GRM5: variants seen among roughly 807,000 people sequenced by gnomAD.
The protein encoded by GRM5 is metabotropic glutamate receptor 5.
Under a neutral mutation model 83.1 loss-of-function variants are expected in GRM5, and 19 were observed. The observed-to-expected ratio is 0.23, with a 90% CI of 0.16 to 0.34. GRM5 has a LOEUF of 0.34. GRM5 is among the 10% of genes least tolerant of loss of function. The probability of loss-of-function intolerance (pLI) is 1.00; values close to 1 mark genes in which losing one functional copy is unlikely to be tolerated. For missense variants in GRM5, 1,160 were observed against 1,588.3 expected (o/e 0.73, Z 4.58); for synonymous variants, 675 against 633.6 (o/e 1.07, Z -0.98).
intron 3 of GRM5, among the ~76,000 whole-genome samples, chr11:88,817,404 C>G (rs1246063365): frequency 6.6e-6 from 1 of 151,850 alleles, no homozygotes; most frequent in Non-Finnish European, 1.5e-5. Flanking sequence ...TGGACCTATC[C>G]AATTTTCAGC....
Position 88,860,417 on chromosome 11 carries a change from T to C in GRM5, c.662-10262A>G, listed in dbSNP as rs190611650. Reference sequence around the variant, plus strand: ...AAGGAGAAAACTCTATACGGAGCTGTGTGTCAATGGGTCGGGTGGATCGGT... The same window carrying C: ...AAGGAGAAAACTCTATACGGAGCTGCGTGTCAATGGGTCGGGTGGATCGGT... On this transcript the variant is annotated intron_variant, in intron 2 of 9. Coordinates refer to ENST00000305447, the MANE Select transcript of GRM5 (RefSeq NM_001143831.3). Among the ~76,000 whole-genome samples the C allele has an allele frequency of 4.8e-4, 73 of 152,292 alleles. 1 individual carries two copies. The East Asian group carries it at 0.011, about 23-fold the overall frequency.
At chr11:88,775,196 C>A (rs1204781433) in intron 3 of GRM5, among the ~76,000 whole-genome samples, 7 of 152,124 alleles carry the variant, frequency 4.6e-5, no homozygotes, top group Admixed American at 6.5e-5. Flanking sequence ...GGAATTTATC[C>A]ATTTCTTCTA....
At chr11:88,522,036 A>AGAGT (rs1226291734) in intron 9 of GRM5, among the ~76,000 whole-genome samples, 1 of 152,222 alleles carries the variant, frequency 6.6e-6, no homozygotes, top group African/African-American at 2.4e-5. Context: ...AATGAGATGC[A>AGAGT]GAGTGACACT....
intron 2 of GRM5, among the ~76,000 whole-genome samples, chr11:88,999,054 G>C (rs1488420429): frequency 3.3e-5 from 5 of 152,072 alleles, no homozygotes; most frequent in African/African-American, 1.2e-4. Context: ...GCTGAAACTG[G>C]ATCCCTTCCT....
At chr11:88,997,246 G>A (rs1267526126) in intron 2 of GRM5, among the ~76,000 whole-genome samples, 3 of 150,390 alleles carry the variant, frequency 2.0e-5, no homozygotes, top group South Asian at 4.2e-4. Flanking sequence ...AGAATCACTT[G>A]AACCCAAGAG....
intron 9 of GRM5, among the ~76,000 whole-genome samples, chr11:88,525,079 C>T (rs895151566): frequency 4.6e-5 from 7 of 152,168 alleles, no homozygotes; most frequent in Non-Finnish European, 8.8e-5. Context: ...ACATGCAAAG[C>T]GCACAACCCT....
chr11:88,775,775 A>G (rs139770406), intron 3 of GRM5, among the ~76,000 whole-genome samples: 2 of 152,064 alleles, frequency 1.3e-5, no homozygotes, highest in South Asian at 4.1e-4. Context: ...AATCCTGAGT[A>G]CTAATTTGAT....
At chr11:88,909,904 T>C (rs1018454390) in intron 2 of GRM5, among the ~76,000 whole-genome samples, 1 of 152,130 alleles carries the variant, frequency 6.6e-6, no homozygotes, top group African/African-American at 2.4e-5. Context: ...GAGTATATAC[T>C]TTTTTAAATT....
chr11:89,044,670 T>C (rs1023729143), intron 2 of GRM5, among the ~76,000 whole-genome samples: 4 of 152,092 alleles, frequency 2.6e-5, no homozygotes, highest in Non-Finnish European at 4.4e-5. Context: ...AAGAGAATAT[T>C]GATGGAACAA....
At chr11:88,593,238 G>A (rs762702272) in intron 6 of GRM5, among the ~76,000 whole-genome samples, 1 of 152,182 alleles carries the variant, frequency 6.6e-6, no homozygotes, top group Non-Finnish European at 1.5e-5. Flanking sequence ...TTGATATCAT[G>A]AATGAAATCG....
intron 3 of GRM5, among the ~76,000 whole-genome samples, chr11:88,783,069 G>A (rs1943003190): frequency 6.6e-6 from 1 of 151,992 alleles, no homozygotes; most frequent in Non-Finnish European, 1.5e-5. Flanking sequence ...TTAAAGGCTG[G>A]ACTCTACATT....
At chr11:88,600,208 C>T (rs1325560337) in intron 5 of GRM5, among the ~76,000 whole-genome samples, 2 of 151,558 alleles carry the variant, frequency 1.3e-5, no homozygotes, top group Non-Finnish European at 2.9e-5. Flanking sequence ...TTATCTCCTC[C>T]TCCTTCTCTT....
At chr11:88,630,829 C>T (rs944395108) in intron 4 of GRM5, among the ~76,000 whole-genome samples, 6 of 152,096 alleles carry the variant, frequency 3.9e-5, no homozygotes, top group Non-Finnish European at 7.3e-5. Context: ...TTGCCCACCT[C>T]GGCCTCCCAA....
intron 3 of GRM5, among the ~76,000 whole-genome samples, chr11:88,771,227 A>G (rs903837639): frequency 6.6e-5 from 10 of 152,084 alleles, no homozygotes; most frequent in Non-Finnish European, 1.5e-5. Flanking sequence ...CTAATAGGAT[A>G]TATGTATATA....
intron 1 of GRM5, chr11:89,063,352 T>C (rs1261952471): frequency 1.3e-5 from 2 of 152,168 alleles, no homozygotes; most frequent in African/African-American, 4.8e-5. Context: ...CTTGTCGGCT[T>C]TGGCCACCCC....
At chr11:88,601,505 A>C (rs1474011574) in intron 5 of GRM5, among the ~76,000 whole-genome samples, 3 of 152,054 alleles carry the variant, frequency 2.0e-5, no homozygotes, top group African/African-American at 7.2e-5. Flanking sequence ...AGAGATTACA[A>C]TATGCATTTT....
intron 3 of GRM5, among the ~76,000 whole-genome samples, chr11:88,812,686 A>T (rs190127843): frequency 6.6e-6 from 1 of 152,294 alleles, no homozygotes; most frequent in East Asian, 1.9e-4. Context: ...TATTACAATA[A>T]AATGCAAAGA....
chr11:88,623,476 T>A (rs1938701706), intron 4 of GRM5, among the ~76,000 whole-genome samples: 1 of 152,160 alleles, frequency 6.6e-6, no homozygotes, highest in South Asian at 2.1e-4. Flanking sequence ...GCTATAGAAA[T>A]CTTCATGATT....
rs147615550 is a variant in GRM5 at position 88,575,361 on chromosome 11, T to A, written c.1691-7369A>T. Among the ~76,000 whole-genome samples the A allele has an allele frequency of 1.4e-4, 22 of 152,332 alleles. No individual in the cohort carries two copies. In the East Asian group the frequency reaches 4.3e-3, roughly 29 times the overall value. ...GGGCAGTATGAAGCTTAATTAGATATGTTAACTTTCTGGGACTGAGATTAA... is the reference window on the plus strand; with the variant it reads ...GGGCAGTATGAAGCTTAATTAGATAAGTTAACTTTCTGGGACTGAGATTAA... On this transcript the variant is annotated intron_variant, in intron 7 of 9. Coordinates refer to ENST00000305447, the MANE Select transcript of GRM5 (RefSeq NM_001143831.3).
Sources: allele counts gnomAD v4.1 joint callset (sites outside exome capture counted in the v4.1 genomes callset), GRCh38; gene constraint gnomAD v4.1.1; transcripts MANE v1.5; gene names NCBI Gene and HGNC (gene_info 2026-07-23, HGNC 2026-07-21).